The following C1orf54 variants were observed in gnomAD, a reference collection of about 807,000 sequenced individuals.
C1orf54 encodes uncharacterized protein C1orf54.
A neutral mutation model predicts 14.7 loss-of-function variants in C1orf54; 12 were observed. The ratio of observed to expected loss-of-function variants is 0.82; its 90% CI spans 0.52 to 1.32. The LOEUF (loss-of-function observed/expected upper bound fraction) is 1.32, where lower values mean the gene tolerates loss of function less well. Among genes scored for constraint, C1orf54 ranks in the 40% most tolerant of loss-of-function variants. The pLI, the probability that C1orf54 is intolerant of heterozygous loss-of-function variation, is 0.00. For missense variants in C1orf54, 163 were observed against 162.2 expected, an observed-to-expected ratio of 1.00 and a Z score of -0.03; for synonymous variants, 65 against 56.3, an observed-to-expected ratio of 1.16 and a Z score of -0.70.
At chr1:150,276,772 T>A in intron 4 of C1orf54, 140 bp downstream of exon 4, 2 of 671,954 alleles carry the variant, frequency 3.0e-6, no homozygotes, top group East Asian at 5.4e-5. Context: ...TCATCTCAAC[T>A]TGGCCATGTT....
chr1:150,277,600 GA>G (rs1299513446), intron 4 of C1orf54, among the ~76,000 whole-genome samples: 1 of 151,298 alleles, frequency 6.6e-6, no homozygotes, highest in Admixed American at 6.6e-5. Context: ...ATGATTGAAG[GA>G]GAGGGTATAT....
At chr1:150,276,419 C>A in intron 3 of C1orf54, 103 bp from the exon 4 acceptor site, 1 of 871,628 alleles carries the variant, frequency 1.1e-6, no homozygotes, top group Non-Finnish European at 1.9e-6. Flanking sequence ...AGTCTTTGGG[C>A]TGGGTGGAGG....
At chr1:150,277,757 G>A (rs1397251881) in intron 4 of C1orf54, among the ~76,000 whole-genome samples, 1 of 152,222 alleles carries the variant, frequency 6.6e-6, no homozygotes, top group Admixed American at 6.5e-5. Context: ...TCAACAAGGA[G>A]CCTAGTAAGT....
chr1:150,274,892 G>A (rs587692564), intron 2 of C1orf54, among the ~76,000 whole-genome samples: 107 of 122,958 alleles, frequency 8.7e-4, no homozygotes, highest in South Asian at 1.5e-3. Flanking sequence ...CAGCCTGGGC[G>A]ACAGAATGAG....
At chr1:150,268,742 G>A, upstream of C1orf54, 1 of 1,613,828 alleles carries the variant, frequency 6.2e-7, no homozygotes, top group Non-Finnish European at 8.5e-7. Context: ...CAGCCACAGT[G>A]ATCAAGAAAA....
At chr1:150,274,203 A>G (rs782684385) in intron 2 of C1orf54, 33 bp downstream of exon 2, 3 of 1,448,490 alleles carry the variant, frequency 2.1e-6, no homozygotes, top group East Asian at 2.3e-5. Context: ...CCCTTAGCCA[A>G]CTGGAGAGAG....
chr1:150,271,897 G>C (rs587623269), upstream of C1orf54, among the ~76,000 whole-genome samples: 1 of 152,290 alleles, frequency 6.6e-6, no homozygotes, highest in South Asian at 2.1e-4. Flanking sequence ...CCAGTACTTT[G>C]GGAGGCCAAG....
At position 150,279,717 on chromosome 1, in the gene C1orf54, G is replaced by C; in HGVS notation, c.375G>C (p.Gln125His). 5 of 1,612,728 alleles carry C rather than the reference G, an allele frequency of 3.1e-6. No individual in the cohort carries two copies. The highest frequency in any genetic ancestry group is 4.2e-6 in the Non-Finnish European group (5 of 1,179,366). ...TCCTCCTGTCGTGTGCCTTTGTTCA[G>C]GTGGGGATGTATTTCATGTAGAAGG... ...IPLLLSCAFV[Q>H]VGMYFM is the part of the protein sequence containing the mutation. Residue 125 changes from glutamine to histidine, a missense_variant, in exon 5 of 6, where the codon CAG (glutamine) becomes CAC (histidine). By Grantham distance (24) the Gln-to-His change is conservative (BLOSUM62 0). Transcript: ENST00000369099.
chr1:150,269,015 A>AG (rs1236669887), upstream of C1orf54: 16 of 528,092 alleles, frequency 3.0e-5, no homozygotes, highest in Non-Finnish European at 5.5e-5. Context: ...GAAGCCGAAG[A>AG]GGGGACAAAT....
At chr1:150,271,936 C>T (rs587737994), upstream of C1orf54, among the ~76,000 whole-genome samples, 5 of 152,190 alleles carry the variant, frequency 3.3e-5, no homozygotes, top group South Asian at 2.1e-4. Flanking sequence ...GTCAGGAGTT[C>T]GAGACCAGCC....
chr1:150,272,013 G>A (rs1365497654), upstream of C1orf54, among the ~76,000 whole-genome samples: 2 of 152,062 alleles, frequency 1.3e-5, no homozygotes, highest in African/African-American at 2.4e-5. Flanking sequence ...GGTGGCACGC[G>A]CCTGTAGTCC....
intron 5 of C1orf54, 131 bp downstream of exon 5, chr1:150,279,872 AG>A: frequency 2.5e-6 from 2 of 799,234 alleles, no homozygotes; most frequent in Non-Finnish European, 4.0e-6. Context: ...CAGCCACTGA[AG>A]GAAGAGATTT....
chr1:150,272,853 A>G lies in C1orf54; in HGVS notation c.36A>G (p.Pro12=). 6.2e-7 allele frequency: 1 copy of G among 1,614,072 alleles called. No individual in the cohort carries two copies. The change falls in exon 1 of 6, where the codon CCA becomes CCG. Residue 12 remains proline, a synonymous_variant. Transcript: ENST00000369099. The stretch of plus-strand genomic sequence containing the variant: ...TCTTTGTAGCCATCTTTGCTGTGCC[A>G]CTTATCCTGGGTAAGTCCACTCCTC... The part of the protein sequence containing the change: ...DVLFVAIFAV[P]LILGQEYEDE...
At chr1:150,272,771 T>C (rs1206356520), upstream of C1orf54, 1 of 1,607,224 alleles carries the variant, frequency 6.2e-7, no homozygotes, top group African/African-American at 1.3e-5. Context: ...GGTGGGAAAC[T>C]CTGTAATTTC....
At chr1:150,275,512 A>C (rs1368592707) in intron 2 of C1orf54, among the ~76,000 whole-genome samples, 2 of 152,054 alleles carry the variant, frequency 1.3e-5, no homozygotes, top group Admixed American at 1.3e-4. Flanking sequence ...CTAAAAAAAG[A>C]AGAACTTGAA....
At chr1:150,272,593 A>T (rs1264731395), upstream of C1orf54, 3 of 569,828 alleles carry the variant, frequency 5.3e-6, no homozygotes, top group Non-Finnish European at 9.4e-6. Context: ...ACATGTTTGC[A>T]TCAAAACCCC....
chr1:150,275,458 G>A (rs1244032432), intron 2 of C1orf54, among the ~76,000 whole-genome samples: 1 of 151,960 alleles, frequency 6.6e-6, no homozygotes, highest in Non-Finnish European at 1.5e-5. Context: ...AGCTATGATT[G>A]AACCAACTGT....
upstream of C1orf54, chr1:150,269,076 G>A (rs202129805): frequency 3.9e-4 from 160 of 410,120 alleles, 3 homozygotes; most frequent in Middle Eastern, 1.5e-3. Context: ...CCCCCGGAAG[G>A]CCAATGGAGA....
chr1:150,275,650 A>C (rs1572105631), intron 2 of C1orf54, 91 bp from the exon 3 acceptor site: 1 of 1,028,020 alleles, frequency 9.7e-7, no homozygotes, highest in South Asian at 1.5e-5. Context: ...AACTTAAGTT[A>C]AACTATTCTG....
Sources: gnomAD v4.1 joint callset for allele counts (sites outside exome capture counted in the v4.1 genomes callset) on GRCh38, gnomAD v4.1.1 for gene constraint, MANE v1.5 for transcripts, NCBI Gene and HGNC (gene_info 2026-07-23, HGNC 2026-07-21) for gene names.